Variants in ZNF331 observed in about 807,000 individuals in gnomAD.
ZNF331 encodes the protein zinc finger protein 331.
Under a neutral mutation model 7.0 loss-of-function variants are expected in ZNF331, and 2 were observed. That is an observed-to-expected ratio of 0.29 (90% CI 0.12 to 0.90). ZNF331 has a LOEUF of 0.90. Ranked by LOEUF, ZNF331 falls within the 40% of genes least tolerant of loss-of-function variation. The pLI, the probability that ZNF331 is intolerant of heterozygous loss-of-function variation, is 0.58. For missense variants in ZNF331, 432 were observed against 587.7 expected (o/e 0.74, Z 2.74); for synonymous variants, 196 against 205.4 (o/e 0.95, Z 0.39).
chr19:53,561,242 A>G (rs928361263), intron 3 of ZNF331, among the ~76,000 whole-genome samples: 6 of 150,602 alleles, frequency 4.0e-5, no homozygotes, highest in African/African-American at 9.8e-5. Context: ...CTGCTCCCCC[A>G]TAACTATGTT....
At chr19:53,541,546 C>T (rs976222048) in intron 2 of ZNF331, among the ~76,000 whole-genome samples, 2 of 152,148 alleles carry the variant, frequency 1.3e-5, no homozygotes, top group Admixed American at 6.6e-5. Context: ...CTAAAGTGGT[C>T]TTCCCACCTC....
chr19:53,571,561 G>A lies in ZNF331; in HGVS notation c.10-43G>A. ...CTCCTGTCTCCTTCATCTGGAAGCT[G>A]TTTCCTTTCATTTCATCATGCACGT... On this transcript the variant is annotated intron_variant, in intron 4 of 5. Coordinates refer to ENST00000449416, the MANE Select transcript of ZNF331 (RefSeq NM_001079906.2). The surrounding 1 kb of genome is among the most constrained non-coding windows in gnomAD (Gnocchi z 4.7). The A allele has an allele frequency of 6.2e-7, 1 of 1,605,940 alleles. No individual in the cohort carries two copies. Among genetic ancestry groups the A allele is most frequent in the Non-Finnish European group, 8.5e-7 (1 of 1,175,974 alleles).
At chr19:53,572,878 C>T (rs999154525) in intron 5 of ZNF331, among the ~76,000 whole-genome samples, 1 of 152,034 alleles carries the variant, frequency 6.6e-6, no homozygotes, top group African/African-American at 2.4e-5. Context: ...TGCCAGCCAC[C>T]ATGTTCCACT....
chr19:53,510,728 C>A, the ZNF331 span, among the ~76,000 whole-genome samples: 1 of 151,940 alleles, frequency 6.6e-6, no homozygotes, highest in African/African-American at 2.4e-5. Flanking sequence ...TATATTTGAA[C>A]CAAATTAAAT....
At position 53,577,649 on chromosome 19, in the gene ZNF331, C is replaced by T; in HGVS notation, c.1089C>T (p.Ala363=). 6.2e-7 allele frequency: 1 copy of T among 1,614,048 alleles called. No individual in the cohort carries two copies. Among genetic ancestry groups the T allele is most frequent in the Non-Finnish European group, 8.5e-7 (1 of 1,180,020 alleles). ...ACAAGTGCACAGAATGTGGGAAGGCCTTCAATTGTGGCTATCACCTCACTC... is the reference window on the plus strand; with the variant it reads ...ACAAGTGCACAGAATGTGGGAAGGCTTTCAATTGTGGCTATCACCTCACTC... ...KPYKCTECGK[A]FNCGYHLTQH... The change falls in exon 6 of 6, where the codon GCC becomes GCT. Residue 363 remains alanine (A), a synonymous_variant. Coordinates refer to ENST00000449416, the MANE Select transcript of ZNF331 (RefSeq NM_001079906.2).
Position 53,550,529 on chromosome 19 carries a change from C to CTTTTTTTT in ZNF331, c.-137-5298_-137-5291dup, listed in dbSNP as rs60619357. On this transcript the variant is annotated intron_variant, in intron 2 of 5. Coordinates refer to ENST00000449416, the MANE Select transcript of ZNF331 (RefSeq NM_001079906.2). ...GTTTTTGATTTAAAGTCTATTTTGT[C>CTTTTTTTT]TTTTTTTTTTTTTTTTTTTTTTTTT... Among the ~76,000 whole-genome samples the CTTTTTTTT allele has an allele frequency of 9.6e-3, 621 of 64,582 alleles. 6 individuals are homozygous for CTTTTTTTT. The highest frequency in any genetic ancestry group is 0.023 in the Middle Eastern group (1 of 44). The allele number at this position is 64,582 out of a possible 152,430, so 42.4% of individuals were successfully genotyped here.
At chr19:53,504,559 G>T in the ZNF331 span, among the ~76,000 whole-genome samples, 1 of 152,122 alleles carries the variant, frequency 6.6e-6, no homozygotes, top group African/African-American at 2.4e-5. Context: ...AGAAAGTGAC[G>T]GTGCACAAAC....
intron 5 of ZNF331, 83 bp from the exon 6 acceptor site, chr19:53,576,614 A>G (rs1600518559): frequency 8.2e-7 from 1 of 1,212,996 alleles, no homozygotes; most frequent in East Asian, 2.3e-5. Flanking sequence ...TTTTATTTCT[A>G]TTAGACGAGT....
At chr19:53,574,079 G>A (rs1409085356) in intron 5 of ZNF331, among the ~76,000 whole-genome samples, 1 of 152,110 alleles carries the variant, frequency 6.6e-6, no homozygotes, top group African/African-American at 2.4e-5. Context: ...TCATGCCACT[G>A]CACTCCAGCC....
chr19:53,506,605 CTTAT>C, the ZNF331 span, among the ~76,000 whole-genome samples: 1 of 151,830 alleles, frequency 6.6e-6, no homozygotes, highest in Admixed American at 6.6e-5. Context: ...GTGTATTATA[CTTAT>C]TAGTCTGTGA....
chr19:53,557,130 T>A (rs1449584013), intron 3 of ZNF331, among the ~76,000 whole-genome samples: 2 of 151,876 alleles, frequency 1.3e-5, no homozygotes, highest in Non-Finnish European at 2.9e-5. Flanking sequence ...GCCAATTTTT[T>A]AATATTTTAT....
At chr19:53,537,318 A>G (rs982714061), upstream of ZNF331, 5 of 152,266 alleles carry the variant, frequency 3.3e-5, no homozygotes, top group Admixed American at 1.3e-4. Context: ...CATTGTTTAC[A>G]ATGCAGCAAG....
chr19:53,565,551 G>A (rs769586676), intron 3 of ZNF331, among the ~76,000 whole-genome samples: 2 of 151,694 alleles, frequency 1.3e-5, no homozygotes, highest in Non-Finnish European at 2.9e-5. Flanking sequence ...TTTTGAGACA[G>A]AGTCTCAGTC....
chr19:53,545,164 A>C (rs1051331220), intron 2 of ZNF331, among the ~76,000 whole-genome samples: 1 of 152,012 alleles, frequency 6.6e-6, no homozygotes, highest in Non-Finnish European at 1.5e-5. Context: ...CTAGAAAAAA[A>C]TTTTTCTTGA....
Position 53,573,132 on chromosome 19 carries a change from T to G in ZNF331, c.136+1402T>G, listed in dbSNP as rs774034935. 3.9e-5 allele frequency among the ~76,000 whole-genome samples: 6 copies of G among 151,930 alleles called. No homozygotes were observed. Among genetic ancestry groups the G allele is most frequent in the Non-Finnish European group, 7.4e-5 (5 of 68,004 alleles). ...TACTCCGGAGGCTGGTGCAGGAGAA[T>G]CATTTGAACCTGGGAAGCAGAGGTT... On this transcript the variant is annotated intron_variant, in intron 5 of 5. Transcript: ENST00000449416. This position sits in a 1 kb window ranked among gnomAD's most constrained non-coding sequence, Gnocchi z 4.2.
At chr19:53,563,673 T>TA (rs2090007296) in intron 3 of ZNF331, 2 of 152,154 alleles carry the variant, frequency 1.3e-5, no homozygotes, top group African/African-American at 4.8e-5. Flanking sequence ...TAATTTACAT[T>TA]AAATAATTGT....
intron 2 of ZNF331, among the ~76,000 whole-genome samples, chr19:53,547,139 A>G (rs558419679): frequency 6.6e-5 from 10 of 152,234 alleles, no homozygotes; most frequent in African/African-American, 2.4e-4. Flanking sequence ...ATATTTAGTC[A>G]CCATGCTAGA....
At chr19:53,569,559 A>G (rs568416576) in intron 4 of ZNF331, among the ~76,000 whole-genome samples, 174 bp downstream of exon 4, 2 of 152,210 alleles carry the variant, frequency 1.3e-5, no homozygotes, top group East Asian at 3.9e-4. Flanking sequence ...CCTTTTTGGG[A>G]AATCACTGAG....
chr19:53,571,878 C>A lies in ZNF331; in HGVS notation c.136+148C>A. On this transcript the variant is annotated intron_variant, in intron 5 of 5. Coordinates refer to ENST00000449416, the MANE Select transcript of ZNF331 (RefSeq NM_001079906.2). The surrounding 1 kb of genome is among the most constrained non-coding windows in gnomAD (Gnocchi z 4.7). ...TGAGCCTTATTGATGTGGCCGTGAG[C>A]ACCACAACCTTCCCCTCCCATCCAT... 2.0e-6 allele frequency: 2 copies of A among 1,021,064 alleles called. No homozygotes were observed. The highest frequency in any genetic ancestry group is 2.1e-5 in the South Asian group (1 of 47,788). The allele number at this position is 1,021,064 out of a possible 1,614,324, so 63.3% of individuals were successfully genotyped here. A position where few individuals can be genotyped will look rare whatever the true frequency, so the allele number is the denominator to read the frequency against.
Sources: gnomAD v4.1 joint callset for allele counts (sites outside exome capture counted in the v4.1 genomes callset) on GRCh38, gnomAD v4.1.1 for gene constraint, Gnocchi (gnomAD v3.1) non-coding constraint, MANE v1.5 for transcripts, NCBI Gene and HGNC (gene_info 2026-07-23, HGNC 2026-07-21) for gene names.